Variants in PCDH9 observed in about 807,000 individuals in gnomAD.
PCDH9 encodes protocadherin 9.
In PCDH9, 24 loss-of-function variants were observed where a neutral mutation model predicts 70.6. That is an observed-to-expected ratio of 0.34 (90% CI 0.25 to 0.48). The LOEUF is 0.48. Ranked by LOEUF, PCDH9 falls within the 20% of genes least tolerant of loss-of-function variation. The pLI, the probability that PCDH9 is intolerant of heterozygous loss-of-function variation, is 0.99. For missense variants in PCDH9, 1,281 were observed against 1,503.6 expected (o/e 0.85, Z 2.45); for synonymous variants, 562 against 558.5 (o/e 1.01, Z -0.09).
At chr13:66,947,027 C>T (rs2083099195) in intron 2 of PCDH9, among the ~76,000 whole-genome samples, 1 of 152,062 alleles carries the variant, frequency 6.6e-6, no homozygotes, top group African/African-American at 2.4e-5. Flanking sequence ...GTTAACCAAG[C>T]AATTAAACTG....
At chr13:66,625,775 C>G (rs1391411415) in intron 4 of PCDH9, among the ~76,000 whole-genome samples, 1 of 151,748 alleles carries the variant, frequency 6.6e-6, no homozygotes, top group East Asian at 1.9e-4. Context: ...ATTCTAGTGC[C>G]TCAGCCTCCT....
intron 4 of PCDH9, among the ~76,000 whole-genome samples, chr13:66,613,186 C>T (rs559027327): frequency 2.0e-5 from 3 of 152,076 alleles, no homozygotes; most frequent in East Asian, 3.9e-4. Context: ...GATGCTTGGT[C>T]GAAGAGTGCA....
At chr13:66,440,249 T>C (rs1473325630) in intron 4 of PCDH9, among the ~76,000 whole-genome samples, 1 of 152,124 alleles carries the variant, frequency 6.6e-6, no homozygotes, top group Admixed American at 6.6e-5. Context: ...TAAAGGAGTG[T>C]CTCAGATAAT....
At chr13:66,417,519 T>G (rs1371241434) in intron 4 of PCDH9, among the ~76,000 whole-genome samples, 1 of 152,192 alleles carries the variant, frequency 6.6e-6, no homozygotes, top group Non-Finnish European at 1.5e-5. Context: ...GTAGAATGAT[T>G]TATAATCCTT....
intron 3 of PCDH9, among the ~76,000 whole-genome samples, chr13:66,645,178 A>G (rs1029459490): frequency 5.3e-5 from 8 of 152,092 alleles, no homozygotes; most frequent in African/African-American, 1.9e-4. Flanking sequence ...ATAACCAATC[A>G]AACGCAGCAG....
At chr13:66,878,186 G>A (rs1043702129) in intron 3 of PCDH9, among the ~76,000 whole-genome samples, 5 of 151,812 alleles carry the variant, frequency 3.3e-5, no homozygotes, top group Admixed American at 1.3e-4. Context: ...TGTAAGGGCC[G>A]TGGGACTAAT....
chr13:66,630,502 C>T (rs1458443530), intron 4 of PCDH9, among the ~76,000 whole-genome samples: 1 of 152,038 alleles, frequency 6.6e-6, no homozygotes, highest in Non-Finnish European at 1.5e-5. Context: ...GGAAAACACC[C>T]CCCAACAATG....
Position 66,785,907 on chromosome 13 carries a change from C to T in PCDH9, c.3138+117597G>A, listed in dbSNP as rs905804289. 5.9e-5 allele frequency among the ~76,000 whole-genome samples: 9 copies of T among 152,124 alleles called. No homozygotes were observed. In the East Asian group the frequency reaches 1.7e-3, roughly 29 times the overall value. On this transcript the variant is annotated intron_variant, in intron 3 of 4. Coordinates refer to ENST00000377865, the MANE Select transcript of PCDH9 (RefSeq NM_203487.3). ...TCTAACTAGGAAGAGATAGCAGTGTCCCATTTTTGAGTTTTAAAAATAATA... is the reference window on the plus strand; with the variant it reads ...TCTAACTAGGAAGAGATAGCAGTGTTCCATTTTTGAGTTTTAAAAATAATA...
chr13:66,596,812 C>CAA (rs549340864), intron 4 of PCDH9, among the ~76,000 whole-genome samples: 18 of 138,292 alleles, frequency 1.3e-4, no homozygotes, highest in African/African-American at 4.7e-4. Context: ...TTTTATAATA[C>CAA]AAAAAAAAAA....
chr13:66,782,467 T>C (rs1170521249), intron 3 of PCDH9, among the ~76,000 whole-genome samples: 1 of 152,084 alleles, frequency 6.6e-6, no homozygotes, highest in African/African-American at 2.4e-5. Flanking sequence ...TAATGAACAT[T>C]TGAAATCTGA....
At chr13:66,663,405 T>C (rs2078045999) in intron 3 of PCDH9, among the ~76,000 whole-genome samples, 1 of 152,206 alleles carries the variant, frequency 6.6e-6, no homozygotes. Context: ...GAATTAGCAC[T>C]TTCCGAGAAG....
intron 4 of PCDH9, among the ~76,000 whole-genome samples, chr13:66,316,869 C>T (rs1158505372): frequency 6.6e-6 from 1 of 152,020 alleles, no homozygotes; most frequent in African/African-American, 2.4e-5. Context: ...ATCACAGGCA[C>T]GCACAACAAC....
At chr13:66,764,013 C>T (rs56108715) in intron 3 of PCDH9, among the ~76,000 whole-genome samples, 11,876 of 151,792 alleles carry the variant, frequency 0.078, 516 homozygotes, top group East Asian at 0.14. Context: ...TGGCCAGGCT[C>T]GTTTGAAACT....
intron 4 of PCDH9, among the ~76,000 whole-genome samples, chr13:66,400,656 G>C (rs946635153): frequency 6.6e-6 from 1 of 152,166 alleles, no homozygotes; most frequent in Non-Finnish European, 1.5e-5. Context: ...GCTGAAGTGG[G>C]CTAATTTAAT....
intron 4 of PCDH9, among the ~76,000 whole-genome samples, chr13:66,476,306 AT>A (rs1044614325): frequency 2.6e-5 from 1 of 39,112 alleles, no homozygotes; most frequent in East Asian, 0.042. Flanking sequence ...GGAAAATTAC[AT>A]TTTAAAAAAA....
intron 4 of PCDH9, among the ~76,000 whole-genome samples, chr13:66,572,347 C>G (rs2076744498): frequency 6.6e-6 from 1 of 152,116 alleles, no homozygotes; most frequent in Non-Finnish European, 1.5e-5. Flanking sequence ...TATTTGTACC[C>G]ATTAGCTGAC....
intron 2 of PCDH9, among the ~76,000 whole-genome samples, chr13:67,199,558 CAT>C (rs994858191): frequency 2.6e-5 from 4 of 151,736 alleles, no homozygotes; most frequent in South Asian, 2.1e-4. Context: ...TGTAAATAAA[CAT>C]GTGGGCAAAA....
At chr13:66,547,933 AAT>A (rs1290011706) in intron 4 of PCDH9, among the ~76,000 whole-genome samples, 6 of 147,588 alleles carry the variant, frequency 4.1e-5, no homozygotes, top group East Asian at 1.9e-4. Flanking sequence ...ATTATATAAT[AAT>A]ATATATATTT....
intron 2 of PCDH9, chr13:67,212,058 T>C (rs1335149574): frequency 2.6e-5 from 4 of 152,174 alleles, no homozygotes; most frequent in Non-Finnish European, 5.9e-5. Context: ...ATAGCAAATA[T>C]GCTAATCTCA....
Sources: allele counts gnomAD v4.1 joint callset (sites outside exome capture counted in the v4.1 genomes callset), GRCh38; gene constraint gnomAD v4.1.1; transcripts MANE v1.5; gene names NCBI Gene and HGNC (gene_info 2026-07-23, HGNC 2026-07-21).